Variants in MCTP1 observed in about 807,000 individuals in gnomAD.
The protein encoded by MCTP1 is multiple C2 and transmembrane domain containing 1.
Under a neutral mutation model 120.6 loss-of-function variants are expected in MCTP1, and 69 were observed. That is an observed-to-expected ratio of 0.57 (90% CI 0.47 to 0.70). MCTP1 has a LOEUF of 0.70. MCTP1 is among the 30% of genes least tolerant of loss of function. The pLI, the probability that MCTP1 is intolerant of heterozygous loss-of-function variation, is 0.00. For missense variants in MCTP1, 1,203 were observed against 1,248.8 expected (o/e 0.96, Z 0.55); for synonymous variants, 529 against 493.1 (o/e 1.07, Z -0.96).
chr5:95,078,442 G>A (rs1754155524), intron 1 of MCTP1, among the ~76,000 whole-genome samples: 1 of 152,092 alleles, frequency 6.6e-6, no homozygotes. Flanking sequence ...TGATCACCTA[G>A]GAGAGCTCTC....
chr5:94,993,448 T>C (rs1194644528), intron 2 of MCTP1, among the ~76,000 whole-genome samples: 1 of 152,200 alleles, frequency 6.6e-6, no homozygotes, highest in Non-Finnish European at 1.5e-5. Flanking sequence ...CCAGGACTAT[T>C]TTCTCTTCAT....
chr5:95,170,238 T>C (rs1562203429), intron 1 of MCTP1, among the ~76,000 whole-genome samples: 1 of 152,248 alleles, frequency 6.6e-6, no homozygotes, highest in South Asian at 2.1e-4. Context: ...AGTTTCTTCA[T>C]CCAGAGTTCT....
chr5:95,006,077 C>G (rs775732032), intron 2 of MCTP1, among the ~76,000 whole-genome samples: 1 of 152,052 alleles, frequency 6.6e-6, no homozygotes, highest in East Asian at 1.9e-4. Flanking sequence ...AGAGAGAAAA[C>G]CTAGGGAGAC....
rs184906825 is a variant in MCTP1 at position 95,200,009 on chromosome 5, A to T, written c.720+83847T>A. Among the ~76,000 whole-genome samples, 83 of 152,148 alleles carry T rather than the reference A, an allele frequency of 5.5e-4. No individual in the cohort carries two copies. The East Asian group carries it at 0.014, about 26-fold the overall frequency. Reference sequence around the variant, plus strand: ...AACCTCGTCTCTACTAAAAATACAAAAATTATCCAAGGGTGGTGGCACGTG... The same window carrying T: ...AACCTCGTCTCTACTAAAAATACAATAATTATCCAAGGGTGGTGGCACGTG... On this transcript the variant is annotated intron_variant, in intron 1 of 22. Coordinates refer to ENST00000515393, the MANE Select transcript of MCTP1 (RefSeq NM_024717.7).
intron 1 of MCTP1, among the ~76,000 whole-genome samples, chr5:95,168,663 T>C (rs949377476): frequency 2.6e-5 from 4 of 152,214 alleles, no homozygotes; most frequent in Admixed American, 6.5e-5. Flanking sequence ...TTTGAAGCAA[T>C]TGTGAATGGG....
chr5:94,871,247 C>G (rs909912487), intron 14 of MCTP1, 68 bp downstream of exon 14: 18 of 1,013,382 alleles, frequency 1.8e-5, no homozygotes, highest in African/African-American at 3.3e-5. Flanking sequence ...TGAGAGTTTT[C>G]TTTTCTTTTT....
intron 5 of MCTP1, among the ~76,000 whole-genome samples, chr5:94,934,102 T>C (rs370668065): frequency 1.3e-5 from 2 of 151,766 alleles, no homozygotes; most frequent in African/African-American, 4.8e-5. Context: ...ACCAAAGCAA[T>C]GGGTTTAAGT....
At chr5:95,197,062 C>T (rs1445921737) in intron 1 of MCTP1, among the ~76,000 whole-genome samples, 15 of 152,104 alleles carry the variant, frequency 9.9e-5, no homozygotes. Context: ...ATCTGATCAT[C>T]GTATATTTCA....
intron 5 of MCTP1, among the ~76,000 whole-genome samples, chr5:94,935,777 T>C (rs889427053): frequency 6.6e-6 from 1 of 152,088 alleles, no homozygotes; most frequent in Admixed American, 6.6e-5. Context: ...ATTCCTTTCT[T>C]ACATAATTCT....
intron 1 of MCTP1, among the ~76,000 whole-genome samples, chr5:95,105,281 T>G (rs1372065391): frequency 6.6e-6 from 1 of 152,154 alleles, no homozygotes; most frequent in Non-Finnish European, 1.5e-5. Context: ...GGTTTCAAGG[T>G]GTTTGACATG....
At chr5:95,156,201 A>C (rs1479910958) in intron 1 of MCTP1, among the ~76,000 whole-genome samples, 1 of 152,198 alleles carries the variant, frequency 6.6e-6, no homozygotes, top group Non-Finnish European at 1.5e-5. Flanking sequence ...AGATTCAGAG[A>C]AAAGGAGGCC....
At chr5:95,079,262 C>T (rs1754345006) in intron 1 of MCTP1, among the ~76,000 whole-genome samples, 1 of 152,132 alleles carries the variant, frequency 6.6e-6, no homozygotes, top group South Asian at 2.1e-4. Flanking sequence ...GGATCACTAA[C>T]ATATACTAAG....
chr5:95,210,770 C>G (rs538238927), intron 1 of MCTP1, among the ~76,000 whole-genome samples: 1 of 152,028 alleles, frequency 6.6e-6, no homozygotes, highest in Non-Finnish European at 1.5e-5. Flanking sequence ...TTCCTAGTCT[C>G]GATGGTCTCT....
At chr5:94,841,662 A>G (rs1306150912) in intron 17 of MCTP1, among the ~76,000 whole-genome samples, 1 of 152,272 alleles carries the variant, frequency 6.6e-6, no homozygotes, top group East Asian at 1.9e-4. Flanking sequence ...TTTTATGCAT[A>G]TATGTTCCCC....
intron 19 of MCTP1, among the ~76,000 whole-genome samples, chr5:94,722,554 A>G (rs1320658084): frequency 6.6e-6 from 1 of 152,216 alleles, no homozygotes; most frequent in Non-Finnish European, 1.5e-5. Flanking sequence ...GTTAAATCTT[A>G]TGCTACGATA....
chr5:94,789,766 A>G (rs1778500221), intron 18 of MCTP1, among the ~76,000 whole-genome samples: 1 of 152,186 alleles, frequency 6.6e-6, no homozygotes, highest in African/African-American at 2.4e-5. Context: ...CTCTCACTAG[A>G]CCACAAACTG....
intron 1 of MCTP1, among the ~76,000 whole-genome samples, chr5:95,034,236 A>G (rs1176057385): frequency 6.6e-6 from 1 of 152,074 alleles, no homozygotes; most frequent in African/African-American, 2.4e-5. Context: ...TAAAATGTAT[A>G]TGGAACCAAA....
At chr5:95,253,204 G>C (rs556094605) in intron 1 of MCTP1, among the ~76,000 whole-genome samples, 3 of 152,052 alleles carry the variant, frequency 2.0e-5, no homozygotes, top group African/African-American at 7.2e-5. Context: ...ACATAAGGTG[G>C]ATTTTCTTAG....
intron 17 of MCTP1, chr5:94,867,342 G>A (rs1374578523): frequency 2.0e-6 from 3 of 1,533,222 alleles, no homozygotes; most frequent in Middle Eastern, 1.7e-4. Context: ...GACACTCTTT[G>A]TTCCATGTGC....
Sources: gnomAD v4.1 joint callset for allele counts (sites outside exome capture counted in the v4.1 genomes callset) on GRCh38, gnomAD v4.1.1 for gene constraint, MANE v1.5 for transcripts, NCBI Gene and HGNC (gene_info 2026-07-23, HGNC 2026-07-21) for gene names.